Variants in THSD7A observed in about 807,000 individuals in gnomAD.
THSD7A encodes thrombospondin type-1 domain-containing protein 7A.
A neutral mutation model predicts 231.3 loss-of-function variants in THSD7A; 96 were observed. The ratio of observed to expected loss-of-function variants is 0.41; its 90% confidence interval spans 0.35 to 0.49. The LOEUF (loss-of-function observed/expected upper bound fraction) is 0.49, where lower values mean the gene tolerates loss of function less well. THSD7A is among the 20% of genes least tolerant of loss of function. The pLI, the probability that THSD7A is intolerant of heterozygous loss-of-function variation, is 0.05. For synonymous variants in THSD7A, 940 were observed against 743.3 expected, an observed-to-expected ratio of 1.26 and a Z score of -4.30; for missense variants, 2,290 against 2,070.2, an observed-to-expected ratio of 1.11 and a Z score of -2.06.
intron 2 of THSD7A, among the ~76,000 whole-genome samples, chr7:11,617,584 T>C (rs2526105): frequency 5.9e-5 from 9 of 152,300 alleles, no homozygotes; most frequent in Non-Finnish European, 1.2e-4. Flanking sequence ...ATTTTATTGT[T>C]GGCAAATAAC....
At chr7:11,660,201 T>A (rs1782876972) in intron 1 of THSD7A, among the ~76,000 whole-genome samples, 1 of 151,530 alleles carries the variant, frequency 6.6e-6, no homozygotes. Context: ...AACAACTATG[T>A]CAAGTACTGT....
intron 2 of THSD7A, among the ~76,000 whole-genome samples, chr7:11,594,822 G>A (rs896658204): frequency 6.6e-6 from 1 of 152,176 alleles, no homozygotes. Flanking sequence ...CTTATCATGT[G>A]AGTGGGTCAT....
chr7:11,577,068 G>A (rs909847799), intron 4 of THSD7A, among the ~76,000 whole-genome samples: 1 of 152,130 alleles, frequency 6.6e-6, no homozygotes, highest in African/African-American at 2.4e-5. Flanking sequence ...TAATTATCAG[G>A]TTAGTTATGT....
chr7:11,691,855 T>C (rs929046190), intron 1 of THSD7A, among the ~76,000 whole-genome samples: 6 of 151,502 alleles, frequency 4.0e-5, no homozygotes, highest in Non-Finnish European at 8.9e-5. Context: ...GGAGATATGA[T>C]AGGCATATCA....
At chr7:11,817,427 T>C (rs952921488) in intron 1 of THSD7A, among the ~76,000 whole-genome samples, 3 of 152,216 alleles carry the variant, frequency 2.0e-5, no homozygotes, top group African/African-American at 7.2e-5. Flanking sequence ...TTAAAAACCA[T>C]ACTTTGAACA....
At chr7:11,413,085 CTATTATATATATAAAGTTATATGTGTAT>C (rs887841310) in intron 17 of THSD7A, among the ~76,000 whole-genome samples, 3 of 151,378 alleles carry the variant, frequency 2.0e-5, no homozygotes, top group African/African-American at 7.3e-5. Flanking sequence ...AATTATTATG[CTATTATATATATAAAGTTATATGTGTAT>C]TATTATATAT....
intron 1 of THSD7A, among the ~76,000 whole-genome samples, chr7:11,756,089 A>T (rs527313174): frequency 4.6e-5 from 7 of 152,186 alleles, no homozygotes; most frequent in African/African-American, 1.7e-4. Flanking sequence ...ATGTCACTAT[A>T]TTCCAGTTTC....
intron 1 of THSD7A, among the ~76,000 whole-genome samples, chr7:11,654,026 G>A (rs1782613206): frequency 2.0e-5 from 3 of 151,862 alleles, no homozygotes; most frequent in African/African-American, 7.2e-5. Flanking sequence ...AGGAGAAGAA[G>A]AAGCACAATC....
intron 2 of THSD7A, among the ~76,000 whole-genome samples, chr7:11,621,424 C>G (rs6980392): frequency 6.6e-6 from 1 of 152,082 alleles, no homozygotes; most frequent in South Asian, 2.1e-4. Flanking sequence ...TATGAGTTTA[C>G]GATGACATCC....
intron 16 of THSD7A, among the ~76,000 whole-genome samples, chr7:11,423,082 A>G (rs1784204084): frequency 6.6e-6 from 1 of 152,170 alleles, no homozygotes; most frequent in African/African-American, 2.4e-5. Flanking sequence ...GTCCCTATCT[A>G]CTTATTACCT....
intron 23 of THSD7A, among the ~76,000 whole-genome samples, chr7:11,386,262 C>T (rs111730317): frequency 0.018 from 2,756 of 151,632 alleles, 85 homozygotes; most frequent in African/African-American, 0.058. Flanking sequence ...CAATGGTGTT[C>T]CTGGTTCTAG....
intron 16 of THSD7A, among the ~76,000 whole-genome samples, chr7:11,419,724 G>A (rs959848112): frequency 1.3e-5 from 2 of 152,204 alleles, no homozygotes; most frequent in African/African-American, 4.8e-5. Flanking sequence ...GGAACGTTTG[G>A]AACTTCCTAA....
At chr7:11,713,469 A>C (rs1373290770) in intron 1 of THSD7A, among the ~76,000 whole-genome samples, 1 of 151,188 alleles carries the variant, frequency 6.6e-6, no homozygotes, top group Non-Finnish European at 1.5e-5. Flanking sequence ...TGAGAATGAG[A>C]ACTAAATTTA....
rs1030657464 is a variant in THSD7A at position 11,551,090 on chromosome 7, C to T, written c.1454-7973G>A. Among the ~76,000 whole-genome samples, 8 of 151,914 alleles carry T rather than the reference C, an allele frequency of 5.3e-5. No individual in the cohort carries two copies. The South Asian group carries it at 6.2e-4, about 12-fold the overall frequency. On this transcript the variant is annotated intron_variant, in intron 4 of 27. Transcript: ENST00000423059. ...TCAAAAAGGTCAACAAAAACCAATA[C>T]GGAAAGGACTCCTGATTCAATAAGT... is the stretch of plus-strand genomic sequence containing the variant.
At chr7:11,413,620 A>T (rs910432339) in intron 17 of THSD7A, among the ~76,000 whole-genome samples, 1 of 152,224 alleles carries the variant, frequency 6.6e-6, no homozygotes, top group African/African-American at 2.4e-5. Context: ...TTATAGTTTA[A>T]ATAACAGGCT....
intron 1 of THSD7A, among the ~76,000 whole-genome samples, chr7:11,789,429 A>T (rs1167213398): frequency 6.6e-6 from 1 of 152,074 alleles, no homozygotes; most frequent in Non-Finnish European, 1.5e-5. Context: ...CCAGGAGGTC[A>T]CTGCAGTCAG....
chr7:11,615,355 T>C (rs144378272), intron 2 of THSD7A, among the ~76,000 whole-genome samples: 2 of 152,314 alleles, frequency 1.3e-5, no homozygotes, highest in South Asian at 2.1e-4. Context: ...TGACCTCTGC[T>C]GGAGCTGTCT....
In THSD7A at chr7:11,656,417, G is replaced by A. The variant is rs990560938; in HGVS notation, c.191-19456C>T. On this transcript the variant is annotated intron_variant, in intron 1 of 27. Coordinates refer to ENST00000423059, the MANE Select transcript of THSD7A (RefSeq NM_015204.3). Reference sequence around the variant, plus strand: ...CTGCTAAGGTACAACGGTCATAGGGGCTCACAGTTCACAGATGGTCTCCAG... The same window carrying A: ...CTGCTAAGGTACAACGGTCATAGGGACTCACAGTTCACAGATGGTCTCCAG... Among the ~76,000 whole-genome samples the A allele has an allele frequency of 1.3e-3, 199 of 151,778 alleles. 1 individual carries two copies. Among genetic ancestry groups the A allele is most frequent in the Non-Finnish European group, 2.5e-4 (17 of 67,866 alleles).
intron 1 of THSD7A, among the ~76,000 whole-genome samples, chr7:11,658,725 C>G (rs1233066517): frequency 2.0e-5 from 3 of 151,636 alleles, no homozygotes; most frequent in Non-Finnish European, 4.4e-5. Flanking sequence ...TCCAGTCTTA[C>G]GTTATTCGAT....
Sources: allele counts gnomAD v4.1 joint callset (sites outside exome capture counted in the v4.1 genomes callset), GRCh38; gene constraint gnomAD v4.1.1; transcripts MANE v1.5; gene names NCBI Gene and HGNC (gene_info 2026-07-23, HGNC 2026-07-21).